The following THSD7B variants were observed in gnomAD, a reference collection of about 807,000 sequenced individuals.
THSD7B encodes thrombospondin type-1 domain-containing protein 7B.
Under a neutral mutation model 213.6 loss-of-function variants are expected in THSD7B, and 138 were observed. That is an observed-to-expected ratio of 0.65 (90% CI 0.56 to 0.74). The LOEUF is 0.74. Ranked by LOEUF, THSD7B falls within the 30% of genes least tolerant of loss-of-function variation. The pLI is 0.00. For synonymous variants in THSD7B, 742 were observed against 687.0 expected (o/e 1.08, Z -1.25); for missense variants, 1,931 against 1,991.5 (o/e 0.97, Z 0.58).
chr2:137,096,883 C>T (rs1462378198), intron 4 of THSD7B, among the ~76,000 whole-genome samples: 1 of 152,178 alleles, frequency 6.6e-6, no homozygotes, highest in Non-Finnish European at 1.5e-5. Context: ...AAATGCCAGG[C>T]CCAGGGCTTA....
chr2:137,313,782 A>G (rs1450382243), intron 12 of THSD7B, among the ~76,000 whole-genome samples: 1 of 152,136 alleles, frequency 6.6e-6, no homozygotes, highest in African/African-American at 2.4e-5. Context: ...GTTTGGCTGT[A>G]TATGAAATTC....
intron 15 of THSD7B, among the ~76,000 whole-genome samples, chr2:137,521,151 G>C (rs1160400129): frequency 6.6e-6 from 1 of 152,064 alleles, no homozygotes; most frequent in Non-Finnish European, 1.5e-5. Context: ...TCAATTTTTG[G>C]GTGAGAAAGA....
intron 17 of THSD7B, among the ~76,000 whole-genome samples, chr2:137,609,112 A>T (rs1682241018): frequency 7.9e-5 from 12 of 152,220 alleles, no homozygotes; most frequent in Admixed American, 7.9e-4. Flanking sequence ...ACTTGAGACA[A>T]TTGAAAGGCC....
intron 15 of THSD7B, among the ~76,000 whole-genome samples, chr2:137,539,893 G>A (rs1346780672): frequency 1.3e-5 from 2 of 151,498 alleles, no homozygotes; most frequent in Non-Finnish European, 3.0e-5. Context: ...TGTATTTCTT[G>A]CTGAATAATC....
At chr2:137,275,862 G>A in intron 11 of THSD7B, 61 bp from the exon 12 acceptor site, 1 of 1,246,406 alleles carries the variant, frequency 8.0e-7, no homozygotes, top group Non-Finnish European at 1.1e-6. Context: ...ACATATGTAA[G>A]TATTTCTTCC....
intron 14 of THSD7B, among the ~76,000 whole-genome samples, chr2:137,449,015 T>A (rs950387941): frequency 4.7e-4 from 71 of 152,286 alleles, no homozygotes; most frequent in African/African-American, 1.7e-3. Context: ...TGACTTTTTA[T>A]TATAAAGGCA....
chr2:137,495,539 C>T (rs553488739), intron 15 of THSD7B, among the ~76,000 whole-genome samples: 1 of 152,210 alleles, frequency 6.6e-6, no homozygotes, highest in Non-Finnish European at 1.5e-5. Context: ...AATTTCATCG[C>T]CCCAAGGATT....
At chr2:136,789,677 A>G (rs1445535584) in intron 1 of THSD7B, among the ~76,000 whole-genome samples, 2 of 152,136 alleles carry the variant, frequency 1.3e-5, no homozygotes, top group Admixed American at 6.6e-5. Context: ...TAAGTAATGT[A>G]CAACTTGATA....
chr2:137,479,173 C>G (rs1001103499), intron 15 of THSD7B, among the ~76,000 whole-genome samples: 3 of 152,176 alleles, frequency 2.0e-5, no homozygotes, highest in Non-Finnish European at 2.9e-5. Flanking sequence ...GTGGTCTACA[C>G]TAGTGTTAGT....
chr2:137,495,160 T>C (rs1159828515), intron 15 of THSD7B, among the ~76,000 whole-genome samples: 3 of 152,192 alleles, frequency 2.0e-5, no homozygotes, highest in Non-Finnish European at 2.9e-5. Context: ...TGGATTATTT[T>C]TTTTCTATTT....
chr2:136,885,495 G>A (rs982200214), intron 2 of THSD7B, among the ~76,000 whole-genome samples: 14 of 152,282 alleles, frequency 9.2e-5, no homozygotes, highest in Middle Eastern at 3.4e-3. Flanking sequence ...ATTGGTGTCA[G>A]ACACTCTGTT....
Position 137,662,062 on chromosome 2 carries a change from C to CT in THSD7B, c.4459-1304dup, listed in dbSNP as rs778872364. ...ACCAGCTTCAGGTGTTTTCTTTTTTCTTTTTTTTTTTTTTTTTGAGATGGA... is the reference window on the plus strand; with the variant it reads ...ACCAGCTTCAGGTGTTTTCTTTTTTCTTTTTTTTTTTTTTTTTTGAGATGGA... On this transcript the variant is annotated intron_variant, in intron 25 of 27. Transcript: ENST00000409968. Among the ~76,000 whole-genome samples the CT allele has an allele frequency of 9.0e-3, 1,195 of 132,656 alleles. 25 individuals carry two copies. The highest frequency in any genetic ancestry group is 0.039 in the Admixed American group (499 of 12,742). The allele number at this position is 132,656 out of a possible 152,430, so 87.0% of individuals were successfully genotyped here. A position where few individuals can be genotyped will look rare whatever the true frequency, so the allele number is the denominator to read the frequency against.
At chr2:137,079,600 C>A (rs928168802) in intron 3 of THSD7B, among the ~76,000 whole-genome samples, 3 of 151,892 alleles carry the variant, frequency 2.0e-5, no homozygotes, top group Non-Finnish European at 2.9e-5. Flanking sequence ...CTTTTGAAAC[C>A]ACTACGATAT....
At chr2:137,161,482 T>G (rs1392529816) in intron 6 of THSD7B, among the ~76,000 whole-genome samples, 3 of 152,188 alleles carry the variant, frequency 2.0e-5, no homozygotes, top group Admixed American at 2.0e-4. Context: ...ATTTCAGTAA[T>G]TCCTAGAGTG....
At chr2:136,913,696 G>T (rs1002968766) in intron 2 of THSD7B, among the ~76,000 whole-genome samples, 2 of 152,222 alleles carry the variant, frequency 1.3e-5, no homozygotes, top group African/African-American at 2.4e-5. Context: ...CCAAACCTTG[G>T]CAACTTCCAT....
At chr2:137,307,202 T>C (rs1376265272) in intron 12 of THSD7B, among the ~76,000 whole-genome samples, 1 of 152,122 alleles carries the variant, frequency 6.6e-6, no homozygotes, top group African/African-American at 2.4e-5. Flanking sequence ...ACAGACCCTA[T>C]TAGGTCTATT....
intron 15 of THSD7B, among the ~76,000 whole-genome samples, chr2:137,509,864 A>C (rs1312445331): frequency 6.6e-6 from 1 of 152,190 alleles, no homozygotes; most frequent in Admixed American, 6.5e-5. Context: ...CCCTTTTATC[A>C]TTAAATATGA....
intron 1 of THSD7B, among the ~76,000 whole-genome samples, chr2:136,778,897 T>C (rs1008111493): frequency 6.6e-6 from 1 of 152,176 alleles, no homozygotes; most frequent in Admixed American, 6.5e-5. Context: ...GGGAGGAATT[T>C]GGGCACTGCA....
At chr2:136,777,657 G>A (rs1293282714) in intron 1 of THSD7B, among the ~76,000 whole-genome samples, 1 of 152,104 alleles carries the variant, frequency 6.6e-6, no homozygotes, top group Non-Finnish European at 1.5e-5. Flanking sequence ...AACTACTGAA[G>A]ATTTAGACAA....
Sources: gnomAD v4.1 joint callset for allele counts (sites outside exome capture counted in the v4.1 genomes callset) on GRCh38, gnomAD v4.1.1 for gene constraint, MANE v1.5 for transcripts, NCBI Gene and HGNC (gene_info 2026-07-23, HGNC 2026-07-21) for gene names.